Variants in ACYP2 observed in about 807,000 individuals in gnomAD.
The protein encoded by ACYP2 is acylphosphatase 2.
Under a neutral mutation model 11.2 loss-of-function variants are expected in ACYP2, and 12 were observed. The observed-to-expected ratio is 1.08, with a 90% CI of 0.69 to 1.74. ACYP2 has a LOEUF of 1.74. Among genes scored for constraint, ACYP2 ranks in the 40% most tolerant of loss-of-function variants. The pLI is 0.00. For missense variants in ACYP2, 134 were observed against 101.9 expected (o/e 1.31, Z -1.35); for synonymous variants, 43 against 32.2 (o/e 1.33, Z -1.13).
chr2:54,228,812 G>A (rs1414592915), intron 6 of ACYP2, among the ~76,000 whole-genome samples: 1 of 152,060 alleles, frequency 6.6e-6, no homozygotes, highest in African/African-American at 2.4e-5. Flanking sequence ...AGTATAAGGG[G>A]CCCATAACCA....
intron 6 of ACYP2, among the ~76,000 whole-genome samples, chr2:54,161,340 T>C (rs982972261): frequency 2.0e-5 from 3 of 152,238 alleles, no homozygotes; most frequent in Admixed American, 6.5e-5. Flanking sequence ...CATCAAATTA[T>C]TTCCAATGAT....
rs1432557752 is a variant in ACYP2 at position 54,201,654 on chromosome 2, C to CTT, written c.404+62908_404+62909dup. Among the ~76,000 whole-genome samples, 48 of 66,772 alleles carry CTT rather than the reference C, an allele frequency of 7.2e-4. 1 individual carries two copies. In the East Asian group the frequency reaches 0.016, roughly 22 times the overall value. The allele number at this position is 66,772 out of a possible 152,430, so 43.8% of individuals were successfully genotyped here. A position where few individuals can be genotyped will look rare whatever the true frequency, so the allele number is the denominator to read the frequency against. On this transcript the variant is annotated intron_variant, in intron 6 of 6. Transcript: ENST00000607452. ...TTTCTTTCTCTTTCTTTCTTTCTTTCTTTCTTTCTTTCTTTCTTTCTTTCT... is the reference window on the plus strand; with the variant it reads ...TTTCTTTCTCTTTCTTTCTTTCTTTCTTTTTCTTTCTTTCTTTCTTTCTTTCT...
intron 2 of ACYP2, among the ~76,000 whole-genome samples, chr2:54,046,520 A>C (rs1326076907): frequency 6.6e-6 from 1 of 151,614 alleles, no homozygotes; most frequent in African/African-American, 2.4e-5. Flanking sequence ...TGAGAAATAC[A>C]TGTTGTTTGT....
At chr2:53,990,583 A>G (rs1426001270) in intron 2 of ACYP2, among the ~76,000 whole-genome samples, 1 of 146,782 alleles carries the variant, frequency 6.8e-6, no homozygotes, top group Non-Finnish European at 1.5e-5. Flanking sequence ...CGGGAGGTGC[A>G]GTTTGCAGCG....
chr2:54,107,245 T>C (rs1679215357), intron 4 of ACYP2, among the ~76,000 whole-genome samples: 2 of 152,200 alleles, frequency 1.3e-5, no homozygotes, highest in Non-Finnish European at 2.9e-5. Flanking sequence ...GCAAACCAAG[T>C]AGATAGTAAA....
At chr2:54,270,337 G>C (rs1337634659) in intron 6 of ACYP2, among the ~76,000 whole-genome samples, 1 of 152,164 alleles carries the variant, frequency 6.6e-6, no homozygotes, top group African/African-American at 2.4e-5. Flanking sequence ...AAAAATTAAA[G>C]GATATAGTTA....
In ACYP2 at chr2:54,139,997, C is replaced by T. The variant is rs138454815; in HGVS notation, c.404+1249C>T. On this transcript the variant is annotated intron_variant, in intron 6 of 6. Coordinates refer to ENST00000607452, the MANE Select transcript of ACYP2 (RefSeq NM_001320586.2). ...CAGTAAACAGTAAATATATAATTAT[C>T]AACTCCTTATTTTTCTAATTTTAAA... 2.9e-4 allele frequency among the ~76,000 whole-genome samples: 44 copies of T among 152,232 alleles called. 1 individual carries two copies. The East Asian group carries it at 8.5e-3, about 29-fold the overall frequency.
intron 4 of ACYP2, among the ~76,000 whole-genome samples, chr2:54,077,106 A>G (rs1313188264): frequency 6.6e-6 from 1 of 152,220 alleles, no homozygotes; most frequent in South Asian, 2.1e-4. Flanking sequence ...ATGCATTTAG[A>G]TTCTCTATCT....
At chr2:54,045,468 A>G (rs2104566458) in intron 2 of ACYP2, among the ~76,000 whole-genome samples, 1 of 152,368 alleles carries the variant, frequency 6.6e-6, no homozygotes, top group Middle Eastern at 3.4e-3. Flanking sequence ...GCTAATTAAA[A>G]GAGAGGTTTT....
chr2:54,304,922 G>C lies in ACYP2; in HGVS notation c.*120G>C, dbSNP rs762051842. Reference sequence around the variant, plus strand: ...GAACTTTCTGTTCTGAAAGCTAAGCGACTGTACGTGCTACTAAAAATGTCT... The same window carrying C: ...GAACTTTCTGTTCTGAAAGCTAAGCCACTGTACGTGCTACTAAAAATGTCT... On this transcript the variant is annotated 3_prime_UTR_variant, in exon 7 of 7. Coordinates refer to ENST00000607452, the MANE Select transcript of ACYP2 (RefSeq NM_001320586.2). 8.2e-6 allele frequency: 4 copies of C among 490,110 alleles called. No individual in the cohort carries two copies. The highest frequency in any genetic ancestry group is 1.4e-5 in the Non-Finnish European group (4 of 286,186). 30.4% of individuals were successfully genotyped at this position (490,110 alleles called of 1,614,324 possible).
chr2:54,201,918 A>T (rs190700638), intron 6 of ACYP2, among the ~76,000 whole-genome samples: 39 of 151,752 alleles, frequency 2.6e-4, no homozygotes, highest in South Asian at 1.9e-3. Flanking sequence ...ATGTTGGTCA[A>T]GCTGGTCTTA....
At chr2:54,201,957 C>T (rs1346863199) in intron 6 of ACYP2, among the ~76,000 whole-genome samples, 2 of 152,040 alleles carry the variant, frequency 1.3e-5, no homozygotes, top group African/African-American at 4.8e-5. Context: ...ATCCGCTTGC[C>T]TCGACCTCCC....
At chr2:54,147,580 G>A (rs1034448952) in intron 6 of ACYP2, among the ~76,000 whole-genome samples, 4 of 151,930 alleles carry the variant, frequency 2.6e-5, no homozygotes, top group East Asian at 3.9e-4. Context: ...GCTGGAGTGC[G>A]GTGGCTCAGT....
At chr2:53,984,056 C>T (rs1289924182) in intron 2 of ACYP2, among the ~76,000 whole-genome samples, 1 of 152,082 alleles carries the variant, frequency 6.6e-6, no homozygotes, top group African/African-American at 2.4e-5. Flanking sequence ...AGAAAGATGA[C>T]TCTGGGCATT....
chr2:54,010,749 T>TC (rs1673319928), intron 2 of ACYP2, among the ~76,000 whole-genome samples: 4 of 126,918 alleles, frequency 3.2e-5, no homozygotes, highest in African/African-American at 5.4e-5. Context: ...TTTTTTTTTT[T>TC]TTTTTTTTTT....
chr2:54,299,732 T>C (rs1309946935), intron 6 of ACYP2, among the ~76,000 whole-genome samples: 2 of 152,114 alleles, frequency 1.3e-5, no homozygotes, highest in Non-Finnish European at 2.9e-5. Context: ...TCTGACTGAA[T>C]TGTTAAATCT....
chr2:54,151,437 A>T (rs1414461114), intron 6 of ACYP2, among the ~76,000 whole-genome samples: 6 of 152,206 alleles, frequency 3.9e-5, no homozygotes, highest in Non-Finnish European at 8.8e-5. Flanking sequence ...TACTTTGCTA[A>T]TATTTTTATA....
chr2:54,035,195 AAAGGTATTCACTTCTCCT>A (rs1048733863), intron 2 of ACYP2, among the ~76,000 whole-genome samples: 4 of 151,668 alleles, frequency 2.6e-5, no homozygotes, highest in Non-Finnish European at 5.9e-5. Context: ...TTTCATGAGC[AAAGGTATTCACTTCTCCT>A]ACTTTTTAGA....
chr2:53,980,324 G>A (rs984243103), intron 2 of ACYP2, among the ~76,000 whole-genome samples: 1 of 151,278 alleles, frequency 6.6e-6, no homozygotes, highest in Non-Finnish European at 1.5e-5. Flanking sequence ...CTGTGTTCCA[G>A]CCTGGGAGAT....
Sources: allele counts gnomAD v4.1 joint callset (sites outside exome capture counted in the v4.1 genomes callset), GRCh38; gene constraint gnomAD v4.1.1; transcripts MANE v1.5; gene names NCBI Gene and HGNC (gene_info 2026-07-23, HGNC 2026-07-21).